The following SGK3 variants were observed in gnomAD, a reference collection of about 807,000 sequenced individuals.
SGK3 encodes the protein serine/threonine-protein kinase Sgk3.
SGK3 carries 47 observed loss-of-function variants against 68.5 expected under a neutral mutation model. The observed-to-expected ratio is 0.69, with a 90% CI of 0.54 to 0.87. SGK3 has a LOEUF of 0.87. SGK3 is among the 40% of genes least tolerant of loss of function. The pLI is 0.00. For synonymous variants in SGK3, 181 were observed against 189.1 expected, an observed-to-expected ratio of 0.96 and a Z score of 0.35; for missense variants, 479 against 575.5, an observed-to-expected ratio of 0.83 and a Z score of 1.72.
intron 7 of SGK3, among the ~76,000 whole-genome samples, chr8:66,829,167 T>C (rs1809195939): frequency 6.6e-6 from 1 of 152,196 alleles, no homozygotes; most frequent in African/African-American, 2.4e-5. Context: ...CATTAGCATA[T>C]TAAAGGCTAT....
intron 1 of SGK3, among the ~76,000 whole-genome samples, chr8:66,742,702 A>C (rs1426009441): frequency 6.6e-6 from 1 of 152,196 alleles, no homozygotes; most frequent in African/African-American, 2.4e-5. Flanking sequence ...TATGCATATA[A>C]AATTAATAAG....
intron 4 of SGK3, among the ~76,000 whole-genome samples, chr8:66,805,144 A>C (rs1013253245): frequency 1.3e-5 from 2 of 152,154 alleles, no homozygotes; most frequent in African/African-American, 2.4e-5. Context: ...CAGTATCATG[A>C]AGAATATTCA....
In SGK3 at chr8:66,847,225, G is replaced by A. The variant is rs767543430; in HGVS notation, c.1107G>A (p.Met369Ile). 2 of 1,607,300 alleles carry A rather than the reference G, an allele frequency of 1.2e-6. No individual in the cohort carries two copies. Among genetic ancestry groups the A allele is most frequent in the South Asian group, 2.2e-5 (2 of 90,184 alleles). Residue 369 changes from methionine (M) to isoleucine (I), a missense_variant, in exon 15 of 17, where the codon ATG becomes ATA. This residue lies in a region of SGK3 where 173 missense variants were observed against 214.3 expected (regional missense o/e 0.81). Coordinates refer to ENST00000521198, the MANE Select transcript of SGK3 (RefSeq NM_001033578.3). ...PPFYCRDVAE[M>I]YDNILHKPLS... is the part of the protein sequence containing the mutation. ...TTTATTGCCGAGATGTTGCTGAAAT[G>A]TATGACAATATCCTTCACAAACCCC...
chr8:66,857,074 C>T (rs370972275), intron 16 of SGK3, among the ~76,000 whole-genome samples: 6 of 152,132 alleles, frequency 3.9e-5, no homozygotes, highest in African/African-American at 1.4e-4. Flanking sequence ...GCCTGGGCAA[C>T]AGAATGAGAT....
At chr8:66,714,774 A>G (rs1804586030) in intron 1 of SGK3, among the ~76,000 whole-genome samples, 1 of 152,142 alleles carries the variant, frequency 6.6e-6, no homozygotes, top group Non-Finnish European at 1.5e-5. Flanking sequence ...TGATCTCTTA[A>G]TTACTTTTTA....
chr8:66,729,038 T>G (rs1445681148), intron 1 of SGK3, among the ~76,000 whole-genome samples: 1 of 150,096 alleles, frequency 6.7e-6, no homozygotes, highest in Non-Finnish European at 1.5e-5. Flanking sequence ...GCTAAGACAG[T>G]GAAACCCTGT....
chr8:66,830,811 C>A (rs1809273431), intron 7 of SGK3, among the ~76,000 whole-genome samples: 1 of 152,190 alleles, frequency 6.6e-6, no homozygotes, highest in Non-Finnish European at 1.5e-5. Context: ...ATCCAACTAG[C>A]AGCTTCATTT....
chr8:66,733,445 TAGTA>T (rs1805226832), intron 1 of SGK3, among the ~76,000 whole-genome samples: 1 of 152,236 alleles, frequency 6.6e-6, no homozygotes, highest in Admixed American at 6.5e-5. Context: ...GTGATTGTTT[TAGTA>T]AGTCTTTTCT....
intron 1 of SGK3, chr8:66,767,251 G>A (rs1806347113): frequency 1.5e-5 from 8 of 550,892 alleles, no homozygotes; most frequent in Non-Finnish European, 2.5e-5. Flanking sequence ...CCCATTTTAT[G>A]TCCTTTGTTC....
chr8:66,810,282 A>T (rs1163316197), intron 4 of SGK3, among the ~76,000 whole-genome samples: 6 of 152,348 alleles, frequency 3.9e-5, no homozygotes, highest in East Asian at 3.8e-4. Flanking sequence ...CCAGAAAAAA[A>T]AAAAATAAAA....
At chr8:66,718,112 G>A (rs573909954) in intron 1 of SGK3, among the ~76,000 whole-genome samples, 29 of 151,166 alleles carry the variant, frequency 1.9e-4, no homozygotes, top group African/African-American at 6.8e-4. Flanking sequence ...TACAACCTCC[G>A]CCTTTGGGGT....
Position 66,804,386 on chromosome 8 carries a change from G to T in SGK3, c.192G>T (p.Gln64His). Residue 64 changes from glutamine to histidine, a missense_variant, in exon 4 of 17, where the codon CAG becomes CAT. Gln to His is a conservative substitution (Grantham distance 24). Transcript: ENST00000521198. ...FDKLYNTLKK[Q>H]FPAMALKIPA... is the part of the protein sequence containing the mutation. ...TTTAAAAATTTTAGTTAAAAAAACA[G>T]TTTCCTGCTATGGCCCTGAAGATTC... The T allele has an allele frequency of 1.2e-6, 2 of 1,609,180 alleles. No individual in the cohort carries two copies. Among genetic ancestry groups the T allele is most frequent in the Non-Finnish European group, 1.7e-6 (2 of 1,178,764 alleles).
intron 4 of SGK3, among the ~76,000 whole-genome samples, chr8:66,805,866 A>G (rs1808137690): frequency 6.6e-6 from 1 of 152,194 alleles, no homozygotes; most frequent in Admixed American, 6.5e-5. Flanking sequence ...GATCTTGGTC[A>G]CTACTCAAGA....
chr8:66,833,285 C>T (rs1809377258), intron 8 of SGK3, among the ~76,000 whole-genome samples: 2 of 152,284 alleles, frequency 1.3e-5, no homozygotes, highest in South Asian at 2.1e-4. Flanking sequence ...GGATTACAGG[C>T]ATGAGCCACT....
intron 10 of SGK3, 46 bp from the exon 11 acceptor site, chr8:66,839,957 G>A: frequency 6.5e-7 from 1 of 1,535,164 alleles, no homozygotes; most frequent in Non-Finnish European, 9.0e-7. Flanking sequence ...ATGTGTGAAT[G>A]ATCCTAACAT....
chr8:66,816,548 G>A (rs1808592601), intron 5 of SGK3, among the ~76,000 whole-genome samples: 1 of 151,890 alleles, frequency 6.6e-6, no homozygotes, highest in Admixed American at 6.6e-5. Context: ...ATTTCACCAT[G>A]TTGGTCAGGT....
rs148216944 is a variant in SGK3, at chr8:66,805,994, C to T, written c.253+1547C>T. ...CCTATATAATTCTGCCCACCATTAA[C>T]GGACTGCTCTTTATCCTGCACCTTT... On this transcript the variant is annotated intron_variant, in intron 4 of 16. Coordinates refer to ENST00000521198, the MANE Select transcript of SGK3 (RefSeq NM_001033578.3). Among the ~76,000 whole-genome samples the T allele has an allele frequency of 2.3e-4, 35 of 152,344 alleles. No homozygotes were observed. In the East Asian group the frequency reaches 5.8e-3, roughly 25 times the overall value.
At chr8:66,718,023 A>G (rs1255538585) in intron 1 of SGK3, among the ~76,000 whole-genome samples, 4 of 127,546 alleles carry the variant, frequency 3.1e-5, no homozygotes, top group African/African-American at 1.2e-4. Flanking sequence ...TTACCTCCCT[A>G]TTTTTTTTTT....
chr8:66,712,989 G>C (rs957130180), intron 1 of SGK3, among the ~76,000 whole-genome samples, 156 bp downstream of exon 1: 1 of 152,226 alleles, frequency 6.6e-6, no homozygotes, highest in Non-Finnish European at 1.5e-5. Context: ...CTCCCGGAGA[G>C]TTTGTGGTCT....
Sources: allele counts gnomAD v4.1 joint callset (sites outside exome capture counted in the v4.1 genomes callset), GRCh38; gene constraint gnomAD v4.1.1; regional missense constraint gnomAD v4.1.1; transcripts MANE v1.5; gene names NCBI Gene and HGNC (gene_info 2026-07-23, HGNC 2026-07-21).